Variants in AHR observed in about 807,000 individuals in gnomAD.
AHR encodes aryl hydrocarbon receptor, also known as AH-receptor.
In AHR, 40 loss-of-function variants were observed where a neutral mutation model predicts 86.8. That is an observed-to-expected ratio of 0.46 (90% CI 0.36 to 0.60). AHR has a LOEUF of 0.60. Ranked by LOEUF, AHR falls within the 20% of genes least tolerant of loss-of-function variation. The pLI is 0.00. For synonymous variants in AHR, 398 were observed against 354.9 expected, an observed-to-expected ratio of 1.12 and a Z score of -1.37; for missense variants, 1,001 against 1,011.6, an observed-to-expected ratio of 0.99 and a Z score of 0.14.
chr7:17,302,406 A>G (rs1010873496), intron 1 of AHR, among the ~76,000 whole-genome samples: 5 of 152,036 alleles, frequency 3.3e-5, no homozygotes, highest in Admixed American at 1.3e-4. Flanking sequence ...AATTTCATAT[A>G]TGTAATACTG....
chr7:17,334,727 T>G (rs1782336740), intron 7 of AHR, among the ~76,000 whole-genome samples, 160 bp from the exon 8 acceptor site: 1 of 152,078 alleles, frequency 6.6e-6, no homozygotes, highest in Non-Finnish European at 1.5e-5. Context: ...AAGATCAGTT[T>G]ACATGGATGT....
chr7:17,299,899 C>G (rs528585607), intron 1 of AHR, among the ~76,000 whole-genome samples: 16 of 152,268 alleles, frequency 1.1e-4, no homozygotes, highest in African/African-American at 3.4e-4. Flanking sequence ...TAGCGCTCAT[C>G]GTGACCATAT....
intron 2 of AHR, among the ~76,000 whole-genome samples, chr7:17,318,567 G>A (rs1353330853): frequency 6.6e-6 from 1 of 152,106 alleles, no homozygotes; most frequent in Non-Finnish European, 1.5e-5. Flanking sequence ...ACTTTGGAAA[G>A]TGGTACATAT....
At chr7:17,327,066 A>G (rs1270732412) in intron 3 of AHR, among the ~76,000 whole-genome samples, 1 of 152,126 alleles carries the variant, frequency 6.6e-6, no homozygotes, top group Non-Finnish European at 1.5e-5. Context: ...CTAATAAAAA[A>G]TAATGGACCC....
In AHR at chr7:17,330,090, T is replaced by G. The variant is rs1270524756; in HGVS notation, c.574+15T>G. ...AGGAATTGAAGGTAAGAATTGATGGTACAAAAAATAGTGTTGGTAGTTTTT... is the reference window on the plus strand; with the variant it reads ...AGGAATTGAAGGTAAGAATTGATGGGACAAAAAATAGTGTTGGTAGTTTTT... On this transcript the variant is annotated intron_variant, in intron 5 of 10. Coordinates refer to ENST00000242057, the MANE Select transcript of AHR (RefSeq NM_001621.5). 2.5e-6 allele frequency: 4 copies of G among 1,604,962 alleles called. No individual in the cohort carries two copies. Among genetic ancestry groups the G allele is most frequent in the Non-Finnish European group, 3.4e-6 (4 of 1,175,454 alleles).
intron 2 of AHR, among the ~76,000 whole-genome samples, chr7:17,317,386 G>A (rs552452496): frequency 1.3e-5 from 2 of 152,144 alleles, no homozygotes; most frequent in East Asian, 1.9e-4. Flanking sequence ...GGCATTGTAT[G>A]CTACTTGCTT....
intron 1 of AHR, among the ~76,000 whole-genome samples, chr7:17,304,285 C>T (rs1781983780): frequency 6.6e-6 from 1 of 152,046 alleles, no homozygotes; most frequent in African/African-American, 2.4e-5. Context: ...CTGCATCCTC[C>T]CAATATATTT....
At chr7:17,342,416 A>C (rs555962719) in intron 10 of AHR, among the ~76,000 whole-genome samples, 1 of 152,170 alleles carries the variant, frequency 6.6e-6, no homozygotes, top group Non-Finnish European at 1.5e-5. Flanking sequence ...GGTTAAGAAA[A>C]TCATACCTGT....
At chr7:17,329,721 C>T (rs1782265915) in intron 4 of AHR, 2 of 309,092 alleles carry the variant, frequency 6.5e-6, no homozygotes, top group Non-Finnish European at 1.2e-5. Context: ...CAAGAGCATT[C>T]ATGTTGGGAA....
chr7:17,304,477 C>G (rs553947367), intron 1 of AHR, among the ~76,000 whole-genome samples: 1 of 152,052 alleles, frequency 6.6e-6, no homozygotes, highest in African/African-American at 2.4e-5. Flanking sequence ...TTAGGTTCAT[C>G]GGAGACAGAG....
chr7:17,300,821 A>T (rs1180842409), intron 1 of AHR, among the ~76,000 whole-genome samples: 1 of 152,162 alleles, frequency 6.6e-6, no homozygotes, highest in Non-Finnish European at 1.5e-5. Flanking sequence ...AGCATCATAT[A>T]TAATAGGGGT....
At chr7:17,301,183 A>T (rs995261775) in intron 1 of AHR, among the ~76,000 whole-genome samples, 1 of 152,052 alleles carries the variant, frequency 6.6e-6, no homozygotes, top group Non-Finnish European at 1.5e-5. Context: ...AATCATACAG[A>T]TGCCTTAAAT....
In AHR at chr7:17,339,900, A is replaced by G. The variant is rs2115370240; in HGVS notation, c.2075A>G (p.Asp692Gly). 12 of 1,614,178 alleles carry G rather than the reference A, an allele frequency of 7.4e-6. No homozygotes were observed. Among genetic ancestry groups the G allele is most frequent in the Non-Finnish European group, 1.0e-5 (12 of 1,180,020 alleles). ...SQEFPYKSEM[D>G]SMPYTQNFIS... The stretch of plus-strand genomic sequence containing the variant: ...GAGTTCCCCTACAAATCTGAAATGG[A>G]TTCTATGCCTTATACACAGAACTTT... Residue 692 changes from aspartate (D) to glycine (G), a missense_variant, in exon 10 of 11, where the codon GAT becomes GGT. Transcript: ENST00000242057.
chr7:17,329,713 A>G (rs1042250906), intron 4 of AHR: 24 of 299,494 alleles, frequency 8.0e-5, no homozygotes, highest in African/African-American at 4.8e-4. Flanking sequence ...TATTTGAGCA[A>G]GAGCATTCAT....
At chr7:17,332,167 C>G (rs1022961713) in intron 6 of AHR, among the ~76,000 whole-genome samples, 3 of 151,788 alleles carry the variant, frequency 2.0e-5, no homozygotes, top group African/African-American at 7.3e-5. Context: ...GGAAGCAAAC[C>G]TGTGTTGCCA....
In AHR at chr7:17,339,973, G is replaced by T. The variant is rs2115370298; in HGVS notation, c.2148G>T (p.Glu716Asp). ...TACCACAACATTCCAAATGTACAGA[G>T]CTGGACTACCCTATGGGGAGTTTTG... ...PVLPQHSKCT[E>D]LDYPMGSFEP... Residue 716 changes from glutamate to aspartate, a missense_variant, in exon 10 of 11, where the codon GAG becomes GAT. By Grantham distance (45) the Glu-to-Asp change is conservative (BLOSUM62 2). This residue lies in a region of AHR where 607 missense variants were observed against 543.1 expected (regional missense o/e 1.12). Transcript: ENST00000242057. 1 of 1,614,142 alleles carries T rather than the reference G, an allele frequency of 6.2e-7. No individual in the cohort carries two copies. Among genetic ancestry groups the T allele is most frequent in the Non-Finnish European group, 8.5e-7 (1 of 1,180,022 alleles).
rs202053172 is a variant in AHR at position 17,339,580 on chromosome 7, C to T, written c.1755C>T (p.Val585=). ...TAACGGATGAAATCCTGACGTATGT[C>T]CAAGATTCTTTAAGTAAGTCTCCCT... is the stretch of plus-strand genomic sequence containing the variant. ...IDLTDEILTY[V]QDSLSKSPFI... Residue 585 remains valine (V), a synonymous_variant, in exon 10 of 11, where the codon GTC becomes GTT. Coordinates refer to ENST00000242057, the MANE Select transcript of AHR (RefSeq NM_001621.5). The T allele has an allele frequency of 6.2e-7, 1 of 1,614,130 alleles. No homozygotes were observed. The highest frequency in any genetic ancestry group is 1.3e-5 in the African/African-American group (1 of 75,036).
chr7:17,339,483 T>A lies in AHR; in HGVS notation c.1658T>A (p.Ile553Asn), dbSNP rs1031610406. The A allele has an allele frequency of 6.2e-7, 1 of 1,614,000 alleles. No individual in the cohort carries two copies. The highest frequency in any genetic ancestry group is 1.1e-5 in the South Asian group (1 of 91,084). ...AACCTAGGCATTGATTTTGAAGACA[T>A]CAGACACATGCAGAATGAAAAATTT... ...MKNLGIDFED[I>N]RHMQNEKFFR... The change falls in exon 10 of 11, where the codon ATC becomes AAC. Residue 553 changes from isoleucine to asparagine, a missense_variant. Coordinates refer to ENST00000242057, the MANE Select transcript of AHR (RefSeq NM_001621.5).
At chr7:17,329,849 C>G in intron 4 of AHR, 103 bp from the exon 5 acceptor site, 3 of 986,170 alleles carry the variant, frequency 3.0e-6, no homozygotes, top group Non-Finnish European at 4.3e-6. Flanking sequence ...TCGTATTCAT[C>G]ACCACTAGCA....
Sources: allele counts gnomAD v4.1 joint callset (sites outside exome capture counted in the v4.1 genomes callset), GRCh38; gene constraint gnomAD v4.1.1; regional missense constraint gnomAD v4.1.1; transcripts MANE v1.5; gene names NCBI Gene and HGNC (gene_info 2026-07-23, HGNC 2026-07-21).